The following CNTN6 variants were observed in gnomAD, a reference collection of about 807,000 sequenced individuals.
CNTN6 encodes contactin 6.
Under a neutral mutation model 122.8 loss-of-function variants are expected in CNTN6, and 137 were observed. That is an observed-to-expected ratio of 1.12 (90% CI 0.97 to 1.29). The LOEUF is 1.29. Ranked by LOEUF, CNTN6 falls within the 50% of genes most tolerant of loss-of-function variation. The pLI is 0.00. For missense variants in CNTN6, 1,634 were observed against 1,223.4 expected, an observed-to-expected ratio of 1.34 and a Z score of -5.01; for synonymous variants, 570 against 426.0, an observed-to-expected ratio of 1.34 and a Z score of -4.16.
rs141859994 is a variant in CNTN6, at chr3:1,240,746, T to C, written c.358+12753T>C. On this transcript the variant is annotated intron_variant, in intron 4 of 22. Transcript: ENST00000446702. ...AAAAAAAAGAAAAAAATTTCATGTG[T>C]GTCCGTGTGAAGAGACCACCAAACA... 3.4e-3 allele frequency among the ~76,000 whole-genome samples: 510 copies of C among 151,460 alleles called. 4 individuals carry two copies. Among genetic ancestry groups the C allele is most frequent in the African/African-American group, 0.012 (481 of 41,326 alleles).
In CNTN6 at chr3:1,269,445, C is replaced by T. The variant is rs540130288; in HGVS notation, c.359-8968C>T. ...TAAGTAATCTGGCATCTCAATGTATCCTATGCAGTTCCATAATTGTGTTCT... is the reference window on the plus strand; with the variant it reads ...TAAGTAATCTGGCATCTCAATGTATTCTATGCAGTTCCATAATTGTGTTCT... On this transcript the variant is annotated intron_variant, in intron 4 of 22. Transcript: ENST00000446702. Among the ~76,000 whole-genome samples the T allele has an allele frequency of 7.2e-5, 11 of 152,260 alleles. No homozygotes were observed. In the East Asian group the frequency reaches 1.5e-3, roughly 21 times the overall value.
At position 1,220,535 on chromosome 3, in the gene CNTN6, C is replaced by T. The variant is rs553098810; in HGVS notation, c.56-152C>T. 536 of 694,938 alleles carry T rather than the reference C, an allele frequency of 7.7e-4. 1 individual carries two copies. The African/African-American group carries it at 8.7e-3, about 11-fold the overall frequency. 43.0% of individuals were successfully genotyped at this position (694,938 alleles called of 1,614,324 possible). On this transcript the variant is annotated intron_variant, in intron 2 of 22. Coordinates refer to ENST00000446702, the MANE Select transcript of CNTN6 (RefSeq NM_001289080.2). ...GATTGGTTTACAAGAGAAAAAAATT[C>T]TTTGTCCATTTTTGTAATACTTTTT...
intron 1 of CNTN6, among the ~76,000 whole-genome samples, chr3:1,134,726 T>G (rs951419169): frequency 2.6e-5 from 4 of 152,116 alleles, no homozygotes; most frequent in South Asian, 2.1e-4. Context: ...CCGGGTAGTT[T>G]AAAAAATCAA....
intron 2 of CNTN6, among the ~76,000 whole-genome samples, chr3:1,174,555 C>T (rs1365417592): frequency 6.6e-6 from 1 of 152,170 alleles, no homozygotes. Flanking sequence ...CTGAATCCAT[C>T]TCTCTTTCTC....
intron 5 of CNTN6, among the ~76,000 whole-genome samples, chr3:1,289,114 C>A (rs997684017): frequency 1.3e-5 from 2 of 151,798 alleles, no homozygotes; most frequent in Non-Finnish European, 2.9e-5. Context: ...CTAAATGGCT[C>A]ATGAATTATA....
chr3:1,301,708 T>C (rs1697454211), intron 7 of CNTN6, among the ~76,000 whole-genome samples: 1 of 150,192 alleles, frequency 6.7e-6, no homozygotes, highest in African/African-American at 2.5e-5. Flanking sequence ...AAATGGAAAG[T>C]CTGAAGCATC....
chr3:1,125,270 A>G (rs188513922), intron 1 of CNTN6, among the ~76,000 whole-genome samples: 11 of 152,088 alleles, frequency 7.2e-5, no homozygotes, highest in African/African-American at 2.4e-4. Flanking sequence ...TTGATTCAGT[A>G]TCTGTGCAGA....
intron 9 of CNTN6, among the ~76,000 whole-genome samples, chr3:1,326,372 A>C (rs1041096366): frequency 1.3e-5 from 2 of 151,882 alleles, no homozygotes; most frequent in Non-Finnish European, 2.9e-5. Context: ...TAAATGAAGA[A>C]AATGAGTTTC....
intron 11 of CNTN6, among the ~76,000 whole-genome samples, chr3:1,344,011 A>G (rs867469942): frequency 7.2e-5 from 11 of 152,210 alleles, no homozygotes; most frequent in Admixed American, 3.3e-4. Context: ...TGATTTAGAT[A>G]ATGACTCAGT....
At chr3:1,095,222 C>T (rs1048502170) in intron 1 of CNTN6, among the ~76,000 whole-genome samples, 1 of 151,990 alleles carries the variant, frequency 6.6e-6, no homozygotes, top group African/African-American at 2.4e-5. Flanking sequence ...CCTATAATCC[C>T]AGCACTTTGG....
chr3:1,190,598 C>A (rs1182219864), intron 2 of CNTN6, among the ~76,000 whole-genome samples: 5 of 151,986 alleles, frequency 3.3e-5, no homozygotes, highest in African/African-American at 9.7e-5. Flanking sequence ...AGAGTTTAAG[C>A]AAAGTTTAAG....
intron 2 of CNTN6, among the ~76,000 whole-genome samples, chr3:1,150,922 T>G (rs899612642): frequency 1.3e-5 from 2 of 152,112 alleles, no homozygotes; most frequent in Non-Finnish European, 2.9e-5. Flanking sequence ...GTGAAGATGC[T>G]GCACTGCTAG....
chr3:1,338,253 A>G (rs951309286), intron 11 of CNTN6, among the ~76,000 whole-genome samples: 11 of 152,200 alleles, frequency 7.2e-5, no homozygotes, highest in Admixed American at 7.2e-4. Context: ...GCTTCCTTGT[A>G]GAGTGGCTGT....
intron 2 of CNTN6, among the ~76,000 whole-genome samples, chr3:1,156,842 T>C (rs892578416): frequency 6.6e-6 from 1 of 151,988 alleles, no homozygotes; most frequent in Non-Finnish European, 1.5e-5. Flanking sequence ...CTCAGCCTCC[T>C]GAGTAGCTGG....
intron 1 of CNTN6, among the ~76,000 whole-genome samples, chr3:1,142,968 G>GTGTGTGTGTGTATA (rs1217250181): frequency 7.8e-6 from 1 of 128,654 alleles, no homozygotes; most frequent in African/African-American, 3.1e-5. Context: ...GTGTGTGTGT[G>GTGTGTGTGTGTATA]TATATATATA....
At chr3:1,183,397 G>A (rs1414297220) in intron 2 of CNTN6, among the ~76,000 whole-genome samples, 2 of 150,940 alleles carry the variant, frequency 1.3e-5, no homozygotes, top group African/African-American at 4.9e-5. Context: ...AATTTAAAAA[G>A]AAATGGATTG....
At chr3:1,322,434 C>T (rs1259647402) in intron 8 of CNTN6, among the ~76,000 whole-genome samples, 1 of 151,640 alleles carries the variant, frequency 6.6e-6, no homozygotes, top group African/African-American at 2.4e-5. Flanking sequence ...GAAATTTTCT[C>T]TTACTTAACA....
At chr3:1,278,573 A>G (rs114311684) in intron 5 of CNTN6, 65 bp downstream of exon 5, 55,163 of 1,120,616 alleles carry the variant, frequency 0.049, 1,739 homozygotes, top group South Asian at 0.069. Flanking sequence ...TGAGCACATC[A>G]GGTCTTAGGC....
chr3:1,198,656 A>G (rs2093813743), intron 2 of CNTN6, among the ~76,000 whole-genome samples: 1 of 151,718 alleles, frequency 6.6e-6, no homozygotes, highest in Non-Finnish European at 1.5e-5. Context: ...CGGGAGATGG[A>G]GTTTGCAGTG....
Sources: allele counts gnomAD v4.1 joint callset (sites outside exome capture counted in the v4.1 genomes callset), GRCh38; gene constraint gnomAD v4.1.1; transcripts MANE v1.5; gene names NCBI Gene and HGNC (gene_info 2026-07-23, HGNC 2026-07-21).